Variants in PRR5 observed in about 807,000 individuals in gnomAD.
PRR5 encodes the protein proline-rich protein 5.
A neutral mutation model predicts 30.6 loss-of-function variants in PRR5; 25 were observed. That is an observed-to-expected ratio of 0.82 (90% confidence interval 0.60 to 1.14). The LOEUF (loss-of-function observed/expected upper bound fraction) is 1.14. Among genes scored for constraint, PRR5 ranks in the 50% most tolerant of loss-of-function variants. PRR5 has a pLI of 0.00. For missense variants in PRR5, 600 were observed against 547.1 expected (o/e 1.10, Z -0.96); for synonymous variants, 286 against 247.1 (o/e 1.16, Z -1.48).
chr22:44,689,379 G>A (rs1299504473), intron 1 of PRR5, among the ~76,000 whole-genome samples: 2 of 152,172 alleles, frequency 1.3e-5, no homozygotes, highest in East Asian at 3.9e-4. Flanking sequence ...CACCCCCAGG[G>A]CCAGATGTGG....
At chr22:44,720,793 C>A (rs1366134380) in intron 2 of PRR5, among the ~76,000 whole-genome samples, 1 of 152,150 alleles carries the variant, frequency 6.6e-6, no homozygotes, top group Non-Finnish European at 1.5e-5. Context: ...ATGCCCCTCA[C>A]CCCTGCCCAG....
chr22:44,694,030 C>T (rs1009922162), intron 1 of PRR5, among the ~76,000 whole-genome samples: 1 of 152,150 alleles, frequency 6.6e-6, no homozygotes, highest in South Asian at 2.1e-4. Flanking sequence ...ACCATCTGTC[C>T]GAATACTGTC....
chr22:44,716,296 C>G (rs1929039299), intron 2 of PRR5, among the ~76,000 whole-genome samples: 1 of 152,204 alleles, frequency 6.6e-6, no homozygotes, highest in Non-Finnish European at 1.5e-5. Flanking sequence ...TTAGTCAGTT[C>G]AGAATGAAGT....
chr22:44,729,968 T>C (rs1253924548), intron 4 of PRR5: 1 of 985,238 alleles, frequency 1.0e-6, no homozygotes, highest in Admixed American at 6.2e-5. Context: ...TGAGCATCCA[T>C]CCGTCCGGGG....
chr22:44,718,343 C>T (rs1006063626), intron 2 of PRR5, among the ~76,000 whole-genome samples: 2 of 151,762 alleles, frequency 1.3e-5, no homozygotes, highest in African/African-American at 4.8e-5. Flanking sequence ...TACAGGTGTG[C>T]ATGACCACGC....
rs921505145 is a variant in PRR5 at position 44,708,501 on chromosome 22, C to T, written c.134+5893C>T. ...GGCTGTGACCACTCCAGCCACCTGC[C>T]CCAACCCTGCACCCGTGTCTCCCCC... On this transcript the variant is annotated intron_variant, in intron 1 of 7. Coordinates refer to ENST00000336985, the MANE Select transcript of PRR5 (RefSeq NM_181333.4). 3.3e-5 allele frequency among the ~76,000 whole-genome samples: 5 copies of T among 152,142 alleles called. No individual in the cohort carries two copies. In the East Asian group the frequency reaches 9.7e-4, roughly 29 times the overall value.
chr22:44,731,632 G>T (rs1569109057), intron 4 of PRR5, 98 bp from the exon 5 acceptor site: 2 of 1,238,882 alleles, frequency 1.6e-6, no homozygotes, highest in Non-Finnish European at 2.4e-6. Flanking sequence ...CTGAGCCCAG[G>T]CCCTCCACTC....
Position 44,732,887 on chromosome 22 carries a change from C to T in PRR5, c.555+496C>T, listed in dbSNP as rs1425960980. The stretch of plus-strand genomic sequence containing the variant: ...ACATACTACACACTGCACACACACA[C>T]CACACACGTGCACACGCATACACAC... On this transcript the variant is annotated intron_variant, in intron 6 of 7. Transcript: ENST00000336985. 3.3e-5 allele frequency among the ~76,000 whole-genome samples: 5 copies of T among 150,454 alleles called. No homozygotes were observed. The East Asian group carries it at 9.9e-4, about 30-fold the overall frequency.
At chr22:44,684,758 G>T (rs7291805) in intron 1 of PRR5, among the ~76,000 whole-genome samples, 84,281 of 152,102 alleles carry the variant, frequency 0.55, 23,560 homozygotes, top group East Asian at 0.74. Context: ...GCTGATGTCA[G>T]CGTCCACAGT....
intron 1 of PRR5, among the ~76,000 whole-genome samples, chr22:44,689,012 T>A (rs184773296): frequency 1.3e-5 from 2 of 152,276 alleles, no homozygotes; most frequent in African/African-American, 4.8e-5. Context: ...TTAAGGAGAA[T>A]TGTAATATTA....
intron 2 of PRR5, among the ~76,000 whole-genome samples, chr22:44,721,491 C>G (rs1047408925): frequency 2.6e-5 from 4 of 152,208 alleles, no homozygotes; most frequent in African/African-American, 9.6e-5. Flanking sequence ...CAAATGAAGA[C>G]TTGGCCCAAC....
In PRR5 at chr22:44,691,475, C is replaced by T. The variant is rs1181278174; in HGVS notation, c.-10-11017C>T. Among the ~76,000 whole-genome samples, 5 of 152,094 alleles carry T rather than the reference C, an allele frequency of 3.3e-5. No individual in the cohort carries two copies. Among genetic ancestry groups the T allele is most frequent in the Admixed American group, 2.0e-4 (3 of 15,280 alleles). On this transcript the variant is annotated intron_variant, in intron 1 of 8. Coordinates refer to the PRR5 transcript ENST00000006251. This position sits in a 1 kb window ranked among gnomAD's most constrained non-coding sequence, Gnocchi z 4.4. ...ACGCCTGGAGCTGACTCCTCCTGCC[C>T]CTGTGAAGAGTTGGGGCCCCTCCAG... is the stretch of plus-strand genomic sequence containing the variant.
intron 6 of PRR5, among the ~76,000 whole-genome samples, chr22:44,733,223 G>T (rs1282424942): frequency 6.6e-6 from 1 of 152,226 alleles, no homozygotes; most frequent in South Asian, 2.1e-4. Context: ...CAAGCCAGGG[G>T]TTTCTGCACA....
chr22:44,711,390 G>T (rs943368553), intron 1 of PRR5, among the ~76,000 whole-genome samples: 12 of 152,174 alleles, frequency 7.9e-5, no homozygotes, highest in Non-Finnish European at 1.5e-4. Flanking sequence ...TCAGCCTGGG[G>T]CCTCAAGGGG....
rs368755171 is a variant in PRR5, at chr22:44,679,849, C to T, written c.-11+2609C>T. The T allele has an allele frequency of 1.0e-5, 16 of 1,598,066 alleles. No individual in the cohort carries two copies. Among genetic ancestry groups the T allele is most frequent in the Admixed American group, 5.2e-5 (3 of 57,832 alleles). ...AGGGAAGCCTGGGGCTCGGGAAGCC[C>T]GGAAAAGATGCCGGCGCAGCCTGAG... On this transcript the variant is annotated intron_variant, in intron 1 of 8. Transcript: ENST00000006251.
chr22:44,672,915 T>G (rs901896123), upstream of PRR5, among the ~76,000 whole-genome samples: 1 of 152,192 alleles, frequency 6.6e-6, no homozygotes, highest in East Asian at 1.9e-4. Flanking sequence ...TGGGTCTGCA[T>G]GCTCCACCCC....
intron 7 of PRR5, 102 bp from the exon 8 acceptor site, chr22:44,736,670 G>GCTGCCCCTGCAC: frequency 6.8e-7 from 1 of 1,468,896 alleles, no homozygotes; most frequent in Non-Finnish European, 9.0e-7. Context: ...CTTCCCTGCA[G>GCTGCCCCTGCAC]CTGCCCCTGC....
chr22:44,682,524 C>T (rs939452791), intron 1 of PRR5, among the ~76,000 whole-genome samples: 1 of 152,174 alleles, frequency 6.6e-6, no homozygotes, highest in Admixed American at 6.5e-5. Context: ...GCGCCTCACA[C>T]TCTGCCTTCT....
At chr22:44,706,698 T>G (rs989042442) in intron 1 of PRR5, among the ~76,000 whole-genome samples, 9 of 152,056 alleles carry the variant, frequency 5.9e-5, no homozygotes, top group Admixed American at 3.3e-4. Context: ...ATTTTTTTTT[T>G]TGTATTTTTG....
Sources: allele counts gnomAD v4.1 joint callset (sites outside exome capture counted in the v4.1 genomes callset), GRCh38; gene constraint gnomAD v4.1.1; non-coding constraint Gnocchi (gnomAD v3.1); transcripts MANE v1.5; gene names NCBI Gene and HGNC (gene_info 2026-07-23, HGNC 2026-07-21).